Variants in REM1 observed in about 807,000 individuals in gnomAD.
REM1 encodes GTP-binding protein REM 1.
A neutral mutation model predicts 27.0 loss-of-function variants in REM1; 20 were observed. The observed-to-expected ratio is 0.74, with a 90% CI of 0.52 to 1.08. The LOEUF is 1.08. Ranked by LOEUF, REM1 falls within the 50% of genes least tolerant of loss-of-function variation. The probability of loss-of-function intolerance (pLI) is 0.00; values close to 1 mark genes in which losing one functional copy is unlikely to be tolerated. For missense variants in REM1, 405 were observed against 407.0 expected (o/e 1.00, Z 0.04); for synonymous variants, 159 against 167.9 (o/e 0.95, Z 0.41).
At chr20:31,481,792 T>A (rs1010798152) in intron 3 of REM1, among the ~76,000 whole-genome samples, 1 of 152,210 alleles carries the variant, frequency 6.6e-6, no homozygotes, top group African/African-American at 2.4e-5. Flanking sequence ...CACTTTACAG[T>A]TGCTCCTTCA....
chr20:31,481,098 C>A (rs1568763308), intron 3 of REM1, among the ~76,000 whole-genome samples: 1 of 152,058 alleles, frequency 6.6e-6, no homozygotes, highest in Non-Finnish European at 1.5e-5. Context: ...ATCGTGAAAC[C>A]CCGTCTCTAC....
At position 31,484,556 on chromosome 20, in the gene REM1, G is replaced by A; in HGVS notation, c.*126G>A. The A allele has an allele frequency of 8.4e-7, 1 of 1,185,654 alleles. No individual in the cohort carries two copies. Among genetic ancestry groups the A allele is most frequent in the Non-Finnish European group, 1.1e-6 (1 of 890,310 alleles). The allele number at this position is 1,185,654 out of a possible 1,614,324, so 73.4% of individuals were successfully genotyped here. ...ATGGGTCTTGCTTGCCTGCTGCCCT[G>A]ATGGCCTGAGCATCCCCCAGATCCA... On this transcript the variant is annotated 3_prime_UTR_variant, in exon 5 of 5. Transcript: ENST00000201979.
At position 31,475,554 on chromosome 20, in the gene REM1, G is replaced by A. The variant is rs986997123; in HGVS notation, c.-220+188G>A. ...TGGACAAAGACCCCTCCAACCCCAG[G>A]ATGGGGGATTCACACCCGGGATGCC... On this transcript the variant is annotated intron_variant, in intron 1 of 4. Transcript: ENST00000201979. This position sits in a 1 kb window ranked among gnomAD's most constrained non-coding sequence, Gnocchi z 5.0. 2.6e-5 allele frequency among the ~76,000 whole-genome samples: 4 copies of A among 152,216 alleles called. No individual in the cohort carries two copies. Among genetic ancestry groups the A allele is most frequent in the African/African-American group, 4.8e-5 (2 of 41,462 alleles).
intron 4 of REM1, among the ~76,000 whole-genome samples, chr20:31,483,066 G>C (rs1285455359): frequency 6.6e-6 from 1 of 152,178 alleles, no homozygotes; most frequent in Non-Finnish European, 1.5e-5. Flanking sequence ...TTGGAAGACT[G>C]AGGCAAGTGG....
chr20:31,484,435 C>T lies in REM1; in HGVS notation c.*5C>T, dbSNP rs1162565748. The T allele has an allele frequency of 6.8e-7, 1 of 1,479,964 alleles. No homozygotes were observed. Among genetic ancestry groups the T allele is most frequent in the African/African-American group, 1.4e-5 (1 of 70,140 alleles). 91.7% of individuals were successfully genotyped at this position (1,479,964 alleles called of 1,614,324 possible). On this transcript the variant is annotated 3_prime_UTR_variant, in exon 5 of 5. Coordinates refer to ENST00000201979, the MANE Select transcript of REM1 (RefSeq NM_014012.6). ...CACAATCTGGCCGTGCTCTGAAGCC[C>T]CCCGCCCTTCTGAGAGTTGGCGGGT...
rs781450072 is a variant in REM1, at chr20:31,476,791, G to A, written c.340+6G>A. ...CCTCCATGAACAGCTGGGAGGTAGG[G>A]GCCATATGGGCTGGGCTGGGATGTG... On this transcript the variant is annotated splice_donor_region_variant and intron_variant, in intron 2 of 4. Transcript: ENST00000201979. The A allele has an allele frequency of 5.6e-6, 9 of 1,597,494 alleles. No homozygotes were observed. Among genetic ancestry groups the A allele is most frequent in the Non-Finnish European group, 7.7e-6 (9 of 1,172,178 alleles).
chr20:31,483,374 C>T (rs913785635), intron 4 of REM1, among the ~76,000 whole-genome samples: 2 of 152,144 alleles, frequency 1.3e-5, no homozygotes, highest in Non-Finnish European at 2.9e-5. Context: ...GATGATAGGC[C>T]CAGTGCCTAC....
In REM1 at chr20:31,476,410, G is replaced by C. The variant is rs1980498910; in HGVS notation, c.-36G>C. The C allele has an allele frequency of 2.0e-6, 3 of 1,475,366 alleles. No individual in the cohort carries two copies. In the South Asian group the frequency reaches 4.0e-5, roughly 19 times the overall value. The allele number at this position is 1,475,366 out of a possible 1,614,324, so 91.4% of individuals were successfully genotyped here. Reference sequence around the variant, plus strand: ...CAGCCAATTCCCCCTTCTTTCAGAAGGAAAGAAGGAAGAAGCAAACCCCCC... The same window carrying C: ...CAGCCAATTCCCCCTTCTTTCAGAACGAAAGAAGGAAGAAGCAAACCCCCC... On this transcript the variant is annotated 5_prime_UTR_variant, in exon 2 of 5. Transcript: ENST00000201979.
At chr20:31,477,980 C>T (rs1035859453) in intron 3 of REM1, 70 bp downstream of exon 3, 27 of 930,444 alleles carry the variant, frequency 2.9e-5, no homozygotes, top group Non-Finnish European at 4.5e-5. Flanking sequence ...CCTGTCCCCT[C>T]CTGGGGACAC....
At position 31,475,901 on chromosome 20, in the gene REM1, C is replaced by T. The variant is rs964546844; in HGVS notation, c.-219-326C>T. The stretch of plus-strand genomic sequence containing the variant: ...CCTCCTCAGACCCCGTGAAATTGGG[C>T]ATCGAAAGTTAAGTAGCCCCTACCC... On this transcript the variant is annotated intron_variant, in intron 1 of 4. Transcript: ENST00000201979. The surrounding 1 kb of genome is among the most constrained non-coding windows in gnomAD (Gnocchi z 5.0). Among the ~76,000 whole-genome samples the T allele has an allele frequency of 6.6e-6, 1 of 152,230 alleles. No individual in the cohort carries two copies. The highest frequency in any genetic ancestry group is 6.5e-5 in the Admixed American group (1 of 15,282).
chr20:31,481,655 C>G (rs1233197337), intron 3 of REM1, among the ~76,000 whole-genome samples: 1 of 152,180 alleles, frequency 6.6e-6, no homozygotes, highest in Non-Finnish European at 1.5e-5. Context: ...GGAGGGCTGT[C>G]CCTAACAAAA....
chr20:31,482,249 T>A (rs372048842), intron 3 of REM1, 38 bp from the exon 4 acceptor site: 1 of 1,597,072 alleles, frequency 6.3e-7, no homozygotes, highest in South Asian at 1.1e-5. Context: ...AGGGCCTAGA[T>A]ACCCTCTGAG....
chr20:31,477,042 T>C (rs1980538672), intron 2 of REM1, among the ~76,000 whole-genome samples: 1 of 152,200 alleles, frequency 6.6e-6, no homozygotes, highest in Admixed American at 6.5e-5. Context: ...ATGAGAAGTA[T>C]ATGATTCATT....
At chr20:31,479,932 A>G (rs1980656530) in intron 3 of REM1, among the ~76,000 whole-genome samples, 2 of 152,164 alleles carry the variant, frequency 1.3e-5, no homozygotes, top group South Asian at 4.2e-4. Context: ...TCTACTAAAA[A>G]TACAAAATTA....
chr20:31,477,730 T>C, intron 2 of REM1, 98 bp from the exon 3 acceptor site: 1 of 825,406 alleles, frequency 1.2e-6, no homozygotes, highest in Middle Eastern at 2.5e-4. Context: ...CGAGGACAAG[T>C]GGAGGGGGCG....
At chr20:31,480,030 G>A (rs966214082) in intron 3 of REM1, among the ~76,000 whole-genome samples, 16 of 151,898 alleles carry the variant, frequency 1.1e-4, no homozygotes, top group African/African-American at 2.7e-4. Context: ...CAGAGGTTGC[G>A]GTAAGCAGAG....
At position 31,484,176 on chromosome 20, in the gene REM1, G is replaced by A. The variant is rs754841342; in HGVS notation, c.643G>A (p.Val215Met). 2.3e-5 allele frequency: 36 copies of A among 1,599,878 alleles called. 1 individual carries two copies. The South Asian group carries it at 3.7e-4, about 16-fold the overall frequency. ...VSVEEGRACA[V>M]VFDCKFIETS... ...CCCCTTAGAGGGCCGCGCCTGCGCT[G>A]TGGTGTTCGACTGTAAATTCATCGA... The change falls in exon 5 of 5, where the codon GTG becomes ATG. Residue 215 changes from valine (V) to methionine (M), a missense_variant. By Grantham distance (21) the Val-to-Met change is conservative (BLOSUM62 1). Transcript: ENST00000201979.
chr20:31,482,376 T>G lies in REM1; in HGVS notation c.513T>G (p.Ser171Arg), dbSNP rs1252182156. ...TCGCAGACCGAGGCAGCTTTGAGAGTGCCTCTGAGCTCCGCATCCAGCTGC... is the reference window on the plus strand; with the variant it reads ...TCGCAGACCGAGGCAGCTTTGAGAGGGCCTCTGAGCTCCGCATCCAGCTGC... ...YSIADRGSFE[S>R]ASELRIQLRR... Residue 171 changes from serine (S) to arginine (R), a missense_variant, in exon 4 of 5, where the codon AGT (serine) becomes AGG (arginine). Transcript: ENST00000201979. The G allele has an allele frequency of 1.2e-6, 2 of 1,614,102 alleles. No individual in the cohort carries two copies. The highest frequency in any genetic ancestry group is 2.2e-5 in the East Asian group (1 of 44,880).
chr20:31,478,375 TA>T (rs768521942), intron 3 of REM1, among the ~76,000 whole-genome samples: 1 of 152,226 alleles, frequency 6.6e-6, no homozygotes, highest in Admixed American at 6.5e-5. Context: ...GCTAGTTTTT[TA>T]AAGTTCTTAT....
Sources: gnomAD v4.1 joint callset for allele counts (sites outside exome capture counted in the v4.1 genomes callset) on GRCh38, gnomAD v4.1.1 for gene constraint, Gnocchi (gnomAD v3.1) non-coding constraint, MANE v1.5 for transcripts, NCBI Gene and HGNC (gene_info 2026-07-23, HGNC 2026-07-21) for gene names.